The following NEDD4L variants were observed in gnomAD, a reference collection of about 807,000 sequenced individuals.
The protein encoded by NEDD4L is E3 ubiquitin-protein ligase NEDD4-like.
A neutral mutation model predicts 148.9 loss-of-function variants in NEDD4L; 54 were observed. The ratio of observed to expected loss-of-function variants is 0.36; its 90% CI spans 0.29 to 0.45. The LOEUF (loss-of-function observed/expected upper bound fraction) is 0.45. NEDD4L is among the 20% of genes least tolerant of loss of function. The probability of loss-of-function intolerance (pLI) is 1.00; values close to 1 mark genes in which losing one functional copy is unlikely to be tolerated. For synonymous variants in NEDD4L, 433 were observed against 440.7 expected (o/e 0.98, Z 0.22); for missense variants, 856 against 1,233.8 (o/e 0.69, Z 4.59).
At chr18:58,096,401 ATTTTATTTTATTTT>A (rs2084410324) in intron 1 of NEDD4L, among the ~76,000 whole-genome samples, 133 of 105,032 alleles carry the variant, frequency 1.3e-3, no homozygotes, top group Non-Finnish European at 2.0e-3. Context: ...ATTTTATTTT[ATTTTATTTTATTTT>A]ATTTATTTGA....
chr18:58,294,108 C>T (rs2055180991), intron 5 of NEDD4L, among the ~76,000 whole-genome samples: 2 of 152,160 alleles, frequency 1.3e-5, no homozygotes, highest in Admixed American at 6.5e-5. Flanking sequence ...TTATACCAAC[C>T]TTTCACTTTG....
At chr18:58,320,376 G>A (rs1263419335) in intron 6 of NEDD4L, among the ~76,000 whole-genome samples, 1 of 152,196 alleles carries the variant, frequency 6.6e-6, no homozygotes, top group Admixed American at 6.5e-5. Context: ...CTCACAGAAT[G>A]TAACCTCTCT....
At chr18:58,271,881 T>G (rs1183312783) in intron 5 of NEDD4L, among the ~76,000 whole-genome samples, 2 of 152,210 alleles carry the variant, frequency 1.3e-5, no homozygotes, top group Admixed American at 6.5e-5. Context: ...TTCTCTCTAA[T>G]CTAATCTCTG....
At chr18:58,389,018 C>A in intron 27 of NEDD4L, 67 bp from the exon 28 acceptor site, 3 of 1,299,372 alleles carry the variant, frequency 2.3e-6, no homozygotes, top group South Asian at 1.2e-5. Context: ...TGAGGGTGGT[C>A]ATTTCTCAGT....
intron 2 of NEDD4L, among the ~76,000 whole-genome samples, chr18:58,226,527 G>T (rs992650735): frequency 5.3e-5 from 8 of 152,208 alleles, no homozygotes; most frequent in African/African-American, 1.9e-4. Flanking sequence ...CGCATATGCA[G>T]AGCAACACAG....
intron 5 of NEDD4L, among the ~76,000 whole-genome samples, chr18:58,278,881 AT>A (rs538860412): frequency 8.4e-4 from 128 of 151,768 alleles, no homozygotes; most frequent in African/African-American, 2.9e-3. Flanking sequence ...TTATTTATTT[AT>A]TTTTTTTGGG....
At chr18:58,240,396 A>C (rs2046492109) in intron 2 of NEDD4L, among the ~76,000 whole-genome samples, 1 of 152,146 alleles carries the variant, frequency 6.6e-6, no homozygotes, top group African/African-American at 2.4e-5. Context: ...GTGGCACTAA[A>C]TCATTAGGAT....
intron 26 of NEDD4L, among the ~76,000 whole-genome samples, chr18:58,385,964 A>G (rs2048955730): frequency 1.3e-5 from 2 of 152,232 alleles, no homozygotes; most frequent in Admixed American, 1.3e-4. Context: ...CCGAGGGCTC[A>G]GAGCTGAATG....
intron 5 of NEDD4L, among the ~76,000 whole-genome samples, chr18:58,287,742 T>C (rs1198393922): frequency 6.6e-6 from 1 of 152,172 alleles, no homozygotes; most frequent in African/African-American, 2.4e-5. Context: ...AATGGAATCA[T>C]TGTGTTGTGG....
At chr18:58,394,192 A>T (rs1384424966) in intron 30 of NEDD4L, among the ~76,000 whole-genome samples, 4 of 152,214 alleles carry the variant, frequency 2.6e-5, no homozygotes, top group African/African-American at 9.6e-5. Context: ...CATTCCGGGG[A>T]TGGTGCTCAG....
intron 5 of NEDD4L, among the ~76,000 whole-genome samples, chr18:58,258,313 A>G (rs553319051): frequency 1.3e-5 from 2 of 152,342 alleles, no homozygotes; most frequent in East Asian, 3.9e-4. Context: ...GTTCGGCAAC[A>G]CAATTCCATG....
In NEDD4L at chr18:58,170,267, G is replaced by A. The variant is rs79235681; in HGVS notation, c.122+4406G>A. On this transcript the variant is annotated intron_variant, in intron 2 of 30. Transcript: ENST00000400345. The stretch of plus-strand genomic sequence containing the variant: ...CATCTGTCAGGGCCCAGTTTGGGTG[G>A]CAACACTCCTGCTGAGGCCCCTGCC... 3.7e-3 allele frequency among the ~76,000 whole-genome samples: 557 copies of A among 152,250 alleles called. 5 individuals carry two copies. Among genetic ancestry groups the A allele is most frequent in the African/African-American group, 0.012 (517 of 41,518 alleles).
At chr18:58,357,008 A>C (rs1415843376) in intron 18 of NEDD4L, among the ~76,000 whole-genome samples, 186 bp from the exon 19 acceptor site, 4 of 152,136 alleles carry the variant, frequency 2.6e-5, no homozygotes, top group Non-Finnish European at 4.4e-5. Context: ...ACAGTATGTG[A>C]GGGGGGTTGC....
chr18:58,335,380 C>A, intron 12 of NEDD4L, 98 bp from the exon 13 acceptor site: 7 of 968,668 alleles, frequency 7.2e-6, no homozygotes, highest in Admixed American at 1.8e-5. Flanking sequence ...GATCTCACGT[C>A]ACCTGCCTTA....
intron 1 of NEDD4L, among the ~76,000 whole-genome samples, chr18:58,119,127 C>T (rs17064378): frequency 0.54 from 81,916 of 152,022 alleles, 22,252 homozygotes; most frequent in Middle Eastern, 0.62. Flanking sequence ...CACTTCACCT[C>T]TAAGCTCTCA....
At chr18:58,306,452 T>A (rs1181951906) in intron 5 of NEDD4L, among the ~76,000 whole-genome samples, 1 of 151,434 alleles carries the variant, frequency 6.6e-6, no homozygotes, top group Non-Finnish European at 1.5e-5. Flanking sequence ...GGATATGGAG[T>A]TGGGGATGGC....
chr18:58,194,848 A>G (rs1418982955), intron 2 of NEDD4L, among the ~76,000 whole-genome samples: 1 of 152,240 alleles, frequency 6.6e-6, no homozygotes, highest in Non-Finnish European at 1.5e-5. Context: ...AAAGACAAGA[A>G]AATGTAAAAA....
At chr18:58,133,644 T>TC (rs2032460151) in intron 1 of NEDD4L, among the ~76,000 whole-genome samples, 1 of 152,180 alleles carries the variant, frequency 6.6e-6, no homozygotes, top group Non-Finnish European at 1.5e-5. Flanking sequence ...ACATATCATT[T>TC]CCCCTCCATG....
chr18:58,161,794 G>A (rs987679025), intron 1 of NEDD4L, among the ~76,000 whole-genome samples: 1 of 151,978 alleles, frequency 6.6e-6, no homozygotes, highest in South Asian at 2.1e-4. Context: ...CCCATTTCAC[G>A]GAGAGACATG....
Sources: allele counts gnomAD v4.1 joint callset (sites outside exome capture counted in the v4.1 genomes callset), GRCh38; gene constraint gnomAD v4.1.1; transcripts MANE v1.5; gene names NCBI Gene and HGNC (gene_info 2026-07-23, HGNC 2026-07-21).